GUCY2C: variants seen among roughly 807,000 people sequenced by gnomAD.
The protein encoded by GUCY2C is guanylate cyclase 2C, also known as guanylyl cyclase C.
A neutral mutation model predicts 131.1 loss-of-function variants in GUCY2C; 118 were observed. The observed-to-expected ratio is 0.90, with a 90% CI of 0.78 to 1.05. The LOEUF (loss-of-function observed/expected upper bound fraction) is 1.05, where lower values mean the gene tolerates loss of function less well. GUCY2C is among the 50% of genes least tolerant of loss of function. GUCY2C has a pLI of 0.00. For missense variants in GUCY2C, 1,161 were observed against 1,304.4 expected (o/e 0.89, Z 1.69); for synonymous variants, 452 against 457.8 (o/e 0.99, Z 0.16).
chr12:14,612,999 T>G lies in GUCY2C; in HGVS notation c.*118A>C. 1.2e-6 allele frequency: 1 copy of G among 800,902 alleles called. No individual in the cohort carries two copies. Among genetic ancestry groups the G allele is most frequent in the Non-Finnish European group, 2.1e-6 (1 of 480,290 alleles). The allele number at this position is 800,902 out of a possible 1,614,324, so 49.6% of individuals were successfully genotyped here. On this transcript the variant is annotated 3_prime_UTR_variant, in exon 27 of 27. Transcript: ENST00000261170. ...ATGTTCCAGACAGGGCAGCCAAGCC[T>G]AAGTACATTTCTGCTTCATTGAGGT...
intron 23 of GUCY2C, among the ~76,000 whole-genome samples, chr12:14,620,535 G>A (rs1341906361): frequency 1.3e-5 from 2 of 152,182 alleles, no homozygotes; most frequent in South Asian, 2.1e-4. Context: ...ACAAGGCTAT[G>A]TAACTTTCAT....
chr12:14,668,020 T>G (rs866092748), intron 10 of GUCY2C, among the ~76,000 whole-genome samples: 293 of 138,622 alleles, frequency 2.1e-3, no homozygotes, highest in Non-Finnish European at 3.4e-3. Context: ...TTTTTTTTTT[T>G]TGAGGCAGGG....
In GUCY2C at chr12:14,684,389, A is replaced by G. The variant is rs138825151; in HGVS notation, c.396-1132T>C. On this transcript the variant is annotated intron_variant, in intron 3 of 26. Transcript: ENST00000261170. ...TCATCTCTCTACTCATTAAAATTTTACCCATTCTTCAACATGCAAACAATC... is the reference window on the plus strand; with the variant it reads ...TCATCTCTCTACTCATTAAAATTTTGCCCATTCTTCAACATGCAAACAATC... Among the ~76,000 whole-genome samples the G allele has an allele frequency of 8.6e-3, 1,309 of 151,986 alleles. 17 individuals carry two copies. The highest frequency in any genetic ancestry group is 0.069 in the South Asian group (332 of 4,812).
At chr12:14,692,713 G>A (rs1020858806) in intron 1 of GUCY2C, among the ~76,000 whole-genome samples, 2 of 152,274 alleles carry the variant, frequency 1.3e-5, no homozygotes, top group East Asian at 1.9e-4. Context: ...GCTGGATGTG[G>A]TGATGCATAC....
intron 12 of GUCY2C, 67 bp downstream of exon 12, chr12:14,656,445 G>A: frequency 3.9e-6 from 3 of 771,674 alleles, no homozygotes; most frequent in African/African-American, 1.7e-5. Context: ...ATCCTGCAAT[G>A]CTACTTAAGT....
intron 10 of GUCY2C, among the ~76,000 whole-genome samples, chr12:14,661,764 G>A (rs1473282104): frequency 6.6e-6 from 1 of 152,174 alleles, no homozygotes; most frequent in Non-Finnish European, 1.5e-5. Flanking sequence ...CAGAGCACAT[G>A]CCGGAAGAAA....
intron 1 of GUCY2C, among the ~76,000 whole-genome samples, chr12:14,695,600 CAAA>C (rs557450619): frequency 1.7e-5 from 1 of 58,610 alleles, no homozygotes. Flanking sequence ...GACTCCATCT[CAAA>C]AAAAAAAAAA....
intron 12 of GUCY2C, among the ~76,000 whole-genome samples, chr12:14,656,270 G>T (rs1947761375): frequency 6.6e-6 from 1 of 152,238 alleles, no homozygotes; most frequent in African/African-American, 2.4e-5. Flanking sequence ...TTCTGGATAA[G>T]ATGCAAAGAA....
intron 9 of GUCY2C, among the ~76,000 whole-genome samples, chr12:14,672,005 G>C (rs564829334): frequency 2.6e-5 from 4 of 152,106 alleles, no homozygotes; most frequent in Admixed American, 6.5e-5. Context: ...TTCCATTGCA[G>C]ATATCTTTTA....
chr12:14,676,117 C>G (rs974887030), intron 7 of GUCY2C, among the ~76,000 whole-genome samples: 5 of 152,138 alleles, frequency 3.3e-5, no homozygotes, highest in African/African-American at 1.2e-4. Context: ...GCCTCTTCCT[C>G]CTCCTCCCAT....
chr12:14,640,943 T>A, intron 18 of GUCY2C, 139 bp downstream of exon 18: 1 of 710,846 alleles, frequency 1.4e-6, no homozygotes, highest in South Asian at 2.1e-5. Flanking sequence ...TCTTATAAAA[T>A]GCATAATGCA....
intron 10 of GUCY2C, among the ~76,000 whole-genome samples, chr12:14,664,877 T>TTC (rs1565625779): frequency 5.3e-5 from 8 of 151,520 alleles, no homozygotes; most frequent in South Asian, 2.1e-4. Context: ...TTCATTCATT[T>TTC]ATTCATTCCA....
chr12:14,661,855 A>G (rs768971786), intron 10 of GUCY2C, among the ~76,000 whole-genome samples: 2 of 152,174 alleles, frequency 1.3e-5, no homozygotes, highest in Admixed American at 6.6e-5. Context: ...AGGGAAGTCA[A>G]TGAAGAATGG....
intron 4 of GUCY2C, among the ~76,000 whole-genome samples, 159 bp downstream of exon 4, chr12:14,682,883 G>A (rs918732981): frequency 5.3e-5 from 8 of 152,094 alleles, no homozygotes; most frequent in African/African-American, 1.9e-4. Context: ...TATTTACTTG[G>A]TCCCCTTTGC....
intron 9 of GUCY2C, 109 bp downstream of exon 9, chr12:14,672,764 A>G: frequency 1.4e-6 from 1 of 699,718 alleles, no homozygotes; most frequent in Non-Finnish European, 2.6e-6. Context: ...AACTGTCTTC[A>G]GATCCTAAAC....
At chr12:14,658,563 C>G (rs1947803928) in intron 11 of GUCY2C, among the ~76,000 whole-genome samples, 1 of 152,058 alleles carries the variant, frequency 6.6e-6, no homozygotes, top group Non-Finnish European at 1.5e-5. Flanking sequence ...GTAATTGTAC[C>G]TACTAGTGAG....
intron 6 of GUCY2C, among the ~76,000 whole-genome samples, chr12:14,677,778 G>C (rs1948269179): frequency 7.1e-6 from 1 of 141,734 alleles, no homozygotes; most frequent in Non-Finnish European, 1.5e-5. Flanking sequence ...CGGGTTTTCA[G>C]CATGTTGGCC....
Position 14,683,131 on chromosome 12 carries a change from A to G in GUCY2C, c.522T>C (p.Phe174=). 2 of 1,613,520 alleles carry G rather than the reference A, an allele frequency of 1.2e-6. No homozygotes were observed. Among genetic ancestry groups the G allele is most frequent in the African/African-American group, 1.3e-5 (1 of 75,030 alleles). Residue 174 remains phenylalanine, a synonymous_variant, in exon 4 of 27, where the codon TTT becomes TTC. Transcript: ENST00000261170. ...TGAAGGGCAGATCGTTGGTTTTCCA[A>G]AAGTTAACCAAGAAGTACATCAACT... ...ARKLMYFLVN[F]WKTNDLPFKT...
intron 4 of GUCY2C, among the ~76,000 whole-genome samples, 174 bp downstream of exon 4, chr12:14,682,868 C>G (rs1948377020): frequency 6.6e-6 from 1 of 152,166 alleles, no homozygotes; most frequent in South Asian, 2.1e-4. Context: ...ATTTTTACAA[C>G]TCTATATTTA....
Sources: allele counts gnomAD v4.1 joint callset (sites outside exome capture counted in the v4.1 genomes callset), GRCh38; gene constraint gnomAD v4.1.1; transcripts MANE v1.5; gene names NCBI Gene and HGNC (gene_info 2026-07-23, HGNC 2026-07-21).